KRT6A: variants seen among roughly 807,000 people sequenced by gnomAD.
KRT6A encodes the protein keratin 6A.
Under a neutral mutation model 48.6 loss-of-function variants are expected in KRT6A, and 28 were observed. That is an observed-to-expected ratio of 0.58 (90% CI 0.43 to 0.79). KRT6A has a LOEUF of 0.79. KRT6A is among the 30% of genes least tolerant of loss of function. The probability of loss-of-function intolerance (pLI) is 0.00; values close to 1 mark genes in which losing one functional copy is unlikely to be tolerated. For synonymous variants in KRT6A, 301 were observed against 294.2 expected (o/e 1.02, Z -0.24); for missense variants, 687 against 724.3 (o/e 0.95, Z 0.59).
chr12:52,489,990 G>A lies in KRT6A; in HGVS notation c.1156C>T (p.Arg386Cys), dbSNP rs747115156. The A allele has an allele frequency of 2.4e-5, 38 of 1,613,876 alleles. 1 individual carries two copies. The highest frequency in any genetic ancestry group is 1.3e-4 in the African/African-American group (10 of 74,846). ...NTKQEIAEIN[R>C]MIQRLRSEID... ...TCAGATCTCAGCCTCTGGATCATGC[G>A]GTTGATCTCAGCAATCTCCTGCTTG... Residue 386 changes from arginine to cysteine, a missense_variant, in exon 6 of 9, where the codon CGC becomes TGC. Arg to Cys is a radical substitution (Grantham distance 180, BLOSUM62 -3). Transcript: ENST00000330722.
At chr12:52,492,158 C>T (rs922250512) in intron 1 of KRT6A, among the ~76,000 whole-genome samples, 1 of 152,222 alleles carries the variant, frequency 6.6e-6, no homozygotes, top group Non-Finnish European at 1.5e-5. Context: ...GTGCAAGTCT[C>T]TCCTCTAAAA....
intron 5 of KRT6A, 154 bp from the exon 6 acceptor site, chr12:52,490,222 C>T (rs1938235329): frequency 6.9e-7 from 1 of 1,445,144 alleles, no homozygotes; most frequent in East Asian, 2.3e-5. Flanking sequence ...TTGGTGGATA[C>T]TAAACACTGG....
Position 52,487,902 on chromosome 12 carries a change from T to C in KRT6A, c.1513A>G (p.Ser505Gly). The change falls in exon 9 of 9, where the codon AGT becomes GGT. Residue 505 changes from serine to glycine, a missense_variant. This residue lies in a region of KRT6A where 566 missense variants were observed against 565.3 expected (regional missense o/e 1.00). Coordinates refer to ENST00000330722, the MANE Select transcript of KRT6A (RefSeq NM_005554.4). ...SGYGGASGVG[S>G]GLGLGGGSSY... Reference sequence around the variant, plus strand: ...CTTCCTCCACCCAGGCCTAAGCCACTGCCGACACCACTGGCACCGCCATAG... The same window carrying C: ...CTTCCTCCACCCAGGCCTAAGCCACCGCCGACACCACTGGCACCGCCATAG... 6.2e-7 allele frequency: 1 copy of C among 1,614,048 alleles called. No homozygotes were observed. Among genetic ancestry groups the C allele is most frequent in the Non-Finnish European group, 8.5e-7 (1 of 1,179,940 alleles).
At position 52,487,303 on chromosome 12, in the gene KRT6A, G is replaced by T. The variant is rs1039436946; in HGVS notation, c.*417C>A. 3 of 270,138 alleles carry T rather than the reference G, an allele frequency of 1.1e-5. No individual in the cohort carries two copies. Among genetic ancestry groups the T allele is most frequent in the Non-Finnish European group, 2.1e-5 (3 of 140,328 alleles). 16.7% of individuals were successfully genotyped at this position (270,138 alleles called of 1,614,324 possible). A position where few individuals can be genotyped will look rare whatever the true frequency, so the allele number is the denominator to read the frequency against. On this transcript the variant is annotated 3_prime_UTR_variant, in exon 9 of 9. Coordinates refer to ENST00000330722, the MANE Select transcript of KRT6A (RefSeq NM_005554.4). ...CTTTCATGGATACTGCCTGGGTGGG[G>T]GTTCACAACACTTATAAGTTAGAGA...
Position 52,491,010 on chromosome 12 carries a change from T to C in KRT6A, c.817-57A>G. On this transcript the variant is annotated intron_variant, in intron 3 of 8. Coordinates refer to ENST00000330722, the MANE Select transcript of KRT6A (RefSeq NM_005554.4). ...TGAGCTCACCTTTCCAATCTACCCA[T>C]CTTCTAGTCTCCATGCCAATTCTCC... 2.5e-6 allele frequency: 4 copies of C among 1,613,810 alleles called. No individual in the cohort carries two copies. The South Asian group carries it at 4.4e-5, about 18-fold the overall frequency.
intron 6 of KRT6A, 104 bp from the exon 7 acceptor site, chr12:52,488,652 T>C (rs1938196659): frequency 1.4e-6 from 2 of 1,409,332 alleles, no homozygotes; most frequent in Non-Finnish European, 2.0e-6. Flanking sequence ...CCAGAATTGA[T>C]GGTGAATGAG....
intron 2 of KRT6A, 45 bp from the exon 3 acceptor site, chr12:52,491,217 A>G (rs1242544521): frequency 6.2e-7 from 1 of 1,612,894 alleles, no homozygotes; most frequent in Non-Finnish European, 8.5e-7. Flanking sequence ...AGTGGGTAGG[A>G]TGAAACAGAA....
rs185805501 is a variant in KRT6A at position 52,488,965 on chromosome 12, T to C, written c.1204-417A>G. Among the ~76,000 whole-genome samples, 6 of 152,380 alleles carry C rather than the reference T, an allele frequency of 3.9e-5. No individual in the cohort carries two copies. In the East Asian group the frequency reaches 1.2e-3, roughly 29 times the overall value. On this transcript the variant is annotated intron_variant, in intron 6 of 8. Transcript: ENST00000330722. Reference sequence around the variant, plus strand: ...GTGATGAGTCTTCACATGAGACTGCTGAGACCTTGCCTTCCTCCCCCTCAG... The same window carrying C: ...GTGATGAGTCTTCACATGAGACTGCCGAGACCTTGCCTTCCTCCCCCTCAG...
rs567909932 is a variant in KRT6A, at chr12:52,491,097, G to A, written c.816+15C>T. 78 of 1,613,824 alleles carry A rather than the reference G, an allele frequency of 4.8e-5. No homozygotes were observed. The South Asian group carries it at 7.4e-4, about 15-fold the overall frequency. On this transcript the variant is annotated intron_variant, in intron 3 of 8. Transcript: ENST00000330722. ...CCTTCTAAATGAATTTGAACCCCCG[G>A]CTTCATCTGCTCACCTTCTTCAGAG...
intron 1 of KRT6A, 106 bp downstream of exon 1, chr12:52,492,543 G>A (rs1247790657): frequency 1.9e-6 from 3 of 1,596,536 alleles, no homozygotes; most frequent in Non-Finnish European, 2.6e-6. Context: ...GCAGAGCTGG[G>A]CTGAGTCCTC....
At chr12:52,490,771 G>T in intron 4 of KRT6A, 38 bp from the exon 5 acceptor site, 1 of 1,614,052 alleles carries the variant, frequency 6.2e-7, no homozygotes, top group Non-Finnish European at 8.5e-7. Flanking sequence ...CTTCACTTCC[G>T]ATATTTACAG....
chr12:52,490,613 C>A lies in KRT6A; in HGVS notation c.1033G>T (p.Ala345Ser). The change falls in exon 5 of 9, where the codon GCT becomes TCT. Residue 345 changes from alanine (A) to serine (S), a missense_variant. Physicochemically the swap from Ala to Ser is moderately conservative, Grantham distance 99. Around this residue, in one of 3 missense-constraint regions of KRT6A, gnomAD observed 566 missense variants for 565.3 expected, o/e 1.00. Coordinates refer to ENST00000330722, the MANE Select transcript of KRT6A (RefSeq NM_005554.4). ...AEVKAQYEEI[A>S]QRSRAEAESW... ...TCAGCCTCAGCCCGGCTTCTCTGAG[C>A]AATCTCCTCATATTGGGCCTTGACC... The A allele has an allele frequency of 2.5e-6, 4 of 1,614,160 alleles. No individual in the cohort carries two copies. Among genetic ancestry groups the A allele is most frequent in the Non-Finnish European group, 3.4e-6 (4 of 1,180,028 alleles).
Position 52,493,045 on chromosome 12 carries a change from A to T in KRT6A, c.144T>A (p.Gly48=), listed in dbSNP as rs776207246. 8.7e-6 allele frequency: 14 copies of T among 1,612,258 alleles called. No individual in the cohort carries two copies. The highest frequency in any genetic ancestry group is 1.0e-5 in the Non-Finnish European group (12 of 1,179,888). The change falls in exon 1 of 9, where the codon GGT becomes GGA. Residue 48 remains glycine, a synonymous_variant. Coordinates refer to ENST00000330722, the MANE Select transcript of KRT6A (RefSeq NM_005554.4). ...CAAAGCCAGCTCCTCCACATGCACCACCCAGGCCACCACTGCCCCTGGAGC... is the reference window on the plus strand; with the variant it reads ...CAAAGCCAGCTCCTCCACATGCACCTCCCAGGCCACCACTGCCCCTGGAGC... ...VSRSRGSGGL[G]GACGGAGFGS...
rs774212057 is a variant in KRT6A, at chr12:52,493,139, C to T, written c.50G>A (p.Gly17Asp). The change falls in exon 1 of 9, where the codon GGT becomes GAT. Residue 17 changes from glycine (G) to aspartate (D), a missense_variant. By Grantham distance (94) the Gly-to-Asp change is moderately conservative (BLOSUM62 -1). Transcript: ENST00000330722. ...GAGCCTGGCTGAGTTGGCACTGAAA[C>T]CCCGGCGGCTGCTGCTGTGGCTCCT... ...TIRSHSSSRR[G>D]FSANSARLPG... The T allele has an allele frequency of 1.2e-6, 2 of 1,614,138 alleles. No individual in the cohort carries two copies. Among genetic ancestry groups the T allele is most frequent in the South Asian group, 1.1e-5 (1 of 91,068 alleles).
At chr12:52,490,240 G>C (rs1938235890) in intron 5 of KRT6A, 172 bp from the exon 6 acceptor site, 1 of 1,291,054 alleles carries the variant, frequency 7.7e-7, no homozygotes, top group Non-Finnish European at 1.1e-6. Flanking sequence ...TGGAGTCACA[G>C]ACCATCCTCA....
Position 52,487,440 on chromosome 12 carries a change from T to G in KRT6A, c.*280A>C. The G allele has an allele frequency of 3.9e-6, 2 of 513,562 alleles. No individual in the cohort carries two copies. Among genetic ancestry groups the G allele is most frequent in the Non-Finnish European group, 3.5e-6 (1 of 285,410 alleles). The allele number at this position is 513,562 out of a possible 1,614,324, so 31.8% of individuals were successfully genotyped here. A position where few individuals can be genotyped will look rare whatever the true frequency, so the allele number is the denominator to read the frequency against. On this transcript the variant is annotated 3_prime_UTR_variant, in exon 9 of 9. Transcript: ENST00000330722. The stretch of plus-strand genomic sequence containing the variant: ...TTCTTATAATGCTCAGCCTCAGAGA[T>G]AGAACACTGGAGGCAAGAAATTAAT...
chr12:52,488,594 G>C (rs781168798), intron 6 of KRT6A, 46 bp from the exon 7 acceptor site: 2 of 1,601,118 alleles, frequency 1.2e-6, no homozygotes, highest in South Asian at 2.2e-5. Flanking sequence ...CGGTCTTCCA[G>C]AGGAGACTAA....
chr12:52,490,379 C>T, intron 5 of KRT6A, 190 bp downstream of exon 5: 1 of 1,062,336 alleles, frequency 9.4e-7, no homozygotes, highest in South Asian at 1.4e-5. Flanking sequence ...AGCTTTCCTC[C>T]TGCATTGGGT....
chr12:52,491,855 A>G lies in KRT6A; in HGVS notation c.541-119T>C, dbSNP rs562988231. The G allele has an allele frequency of 7.4e-4, 965 of 1,308,386 alleles. 6 individuals are homozygous for G. In the African/African-American group the frequency reaches 0.012, roughly 17 times the overall value. The allele number at this position is 1,308,386 out of a possible 1,614,324, so 81.0% of individuals were successfully genotyped here. On this transcript the variant is annotated intron_variant, in intron 1 of 8. Coordinates refer to ENST00000330722, the MANE Select transcript of KRT6A (RefSeq NM_005554.4). The stretch of plus-strand genomic sequence containing the variant: ...GGTGCTGGGCTACTACAGTGCATGT[A>G]GAGAGGCTCAGGCTGAGCTCTGCTC...
Sources: allele counts gnomAD v4.1 joint callset (sites outside exome capture counted in the v4.1 genomes callset), GRCh38; gene constraint gnomAD v4.1.1; regional missense constraint gnomAD v4.1.1; transcripts MANE v1.5; gene names NCBI Gene and HGNC (gene_info 2026-07-23, HGNC 2026-07-21).